Variants in CLDN14 observed in about 807,000 individuals in gnomAD.
The protein encoded by CLDN14 is claudin-14.
A neutral mutation model predicts 2.1 loss-of-function variants in CLDN14; 2 were observed. The ratio of observed to expected loss-of-function variants is 0.96; its 90% CI spans 0.39 to 3.01. The LOEUF (loss-of-function observed/expected upper bound fraction) is 3.01, where lower values mean the gene tolerates loss of function less well. Among genes scored for constraint, CLDN14 ranks in the 30% most tolerant of loss-of-function variants. The pLI is 0.09. For missense variants in CLDN14, 298 were observed against 328.0 expected, an observed-to-expected ratio of 0.91 and a Z score of 0.71; for synonymous variants, 136 against 154.4, an observed-to-expected ratio of 0.88 and a Z score of 0.88.
At chr21:36,566,071 T>G (rs762163713) in intron 1 of CLDN14, among the ~76,000 whole-genome samples, 34 of 152,362 alleles carry the variant, frequency 2.2e-4, no homozygotes, top group Non-Finnish European at 4.3e-4. Flanking sequence ...TGTCTAATTT[T>G]ATATCTATCA....
intron 1 of CLDN14, among the ~76,000 whole-genome samples, chr21:36,539,156 T>C (rs569909671): frequency 7.2e-5 from 11 of 152,352 alleles, no homozygotes; most frequent in African/African-American, 2.4e-4. Context: ...ATTTTAAAAA[T>C]GTTTATGGAG....
At chr21:36,486,194 A>G (rs147279578) in intron 2 of CLDN14, 16,851 of 1,005,012 alleles carry the variant, frequency 0.017, 247 homozygotes, top group Non-Finnish European at 0.019. Flanking sequence ...GCTGGCATCA[A>G]TGTCTACTGA....
intron 1 of CLDN14, among the ~76,000 whole-genome samples, chr21:36,518,109 C>CACAT (rs57527435): frequency 6.8e-6 from 1 of 147,794 alleles, no homozygotes; most frequent in Non-Finnish European, 1.5e-5. Context: ...CACACACACA[C>CACAT]GACCTGTTGG....
chr21:36,489,795 C>T (rs1601606898), intron 2 of CLDN14, among the ~76,000 whole-genome samples: 1 of 152,230 alleles, frequency 6.6e-6, no homozygotes, highest in East Asian at 1.9e-4. Context: ...CATGTCCAGT[C>T]CTCACGGCTG....
At chr21:36,552,325 C>T (rs115976902) in intron 1 of CLDN14, among the ~76,000 whole-genome samples, 1 of 152,340 alleles carries the variant, frequency 6.6e-6, no homozygotes, top group South Asian at 2.1e-4. Context: ...ACTTTTGCTG[C>T]CTATCTTAAC....
intron 1 of CLDN14, among the ~76,000 whole-genome samples, chr21:36,561,090 T>G (rs998493672): frequency 1.3e-5 from 2 of 152,232 alleles, no homozygotes; most frequent in African/African-American, 2.4e-5. Flanking sequence ...CCTCAATTTT[T>G]GTACCTTTTT....
Position 36,461,787 on chromosome 21 carries a change from C to T in CLDN14, c.-81-11G>A. 6.7e-7 allele frequency: 1 copy of T among 1,500,740 alleles called. No homozygotes were observed. Among genetic ancestry groups the T allele is most frequent in the South Asian group, 1.2e-5 (1 of 81,798 alleles). 93.0% of individuals were successfully genotyped at this position (1,500,740 alleles called of 1,614,324 possible). ...GTGCCAGCCGGAGCCCTAATGAAGC[C>T]AAGGGAGGCGGGAGCAGGGAGAGAA... On this transcript the variant is annotated splice_polypyrimidine_tract_variant and intron_variant, in intron 1 of 1. Coordinates refer to ENST00000399135, the MANE Select transcript of CLDN14 (RefSeq NM_001146079.2).
chr21:36,486,414 C>T (rs538311435), intron 2 of CLDN14: 90 of 1,250,386 alleles, frequency 7.2e-5, no homozygotes, highest in African/African-American at 3.8e-4. Flanking sequence ...CTCATCCTGC[C>T]GCTGCTGCTG....
At chr21:36,475,620 G>C (rs1001646037) in intron 1 of CLDN14, among the ~76,000 whole-genome samples, 1 of 152,144 alleles carries the variant, frequency 6.6e-6, no homozygotes, top group Middle Eastern at 3.4e-3. Context: ...GCACAATCAC[G>C]GCTCCCTGCG....
At position 36,461,761 on chromosome 21, in the gene CLDN14, G is replaced by C. The variant is rs1475544048; in HGVS notation, c.-66C>G. The C allele has an allele frequency of 3.3e-6, 5 of 1,532,522 alleles. No individual in the cohort carries two copies. The highest frequency in any genetic ancestry group is 4.4e-6 in the Non-Finnish European group (5 of 1,141,238). The allele number at this position is 1,532,522 out of a possible 1,614,324, so 94.9% of individuals were successfully genotyped here. On this transcript the variant is annotated 5_prime_UTR_variant, in exon 2 of 2. Transcript: ENST00000399135. The stretch of plus-strand genomic sequence containing the variant: ...GCCCTCGGGGTCACGCCGCTCCTCA[G>C]GTGCCAGCCGGAGCCCTAATGAAGC...
intron 1 of CLDN14, among the ~76,000 whole-genome samples, chr21:36,525,718 G>A (rs2087321695): frequency 1.3e-5 from 2 of 152,164 alleles, no homozygotes; most frequent in African/African-American, 2.4e-5. Flanking sequence ...GTGAAGCCGA[G>A]GCTCTGCCAT....
In CLDN14 at chr21:36,490,959, C is replaced by G. The variant is rs988115572; in HGVS notation, c.-82+19404G>C. Reference sequence around the variant, plus strand: ...ACATGCAAGTGCACAGACACACACACACACACACACACACACACACACACA... The same window carrying G: ...ACATGCAAGTGCACAGACACACACAGACACACACACACACACACACACACA... On this transcript the variant is annotated intron_variant, in intron 2 of 2. Coordinates refer to the CLDN14 transcript ENST00000342108. Among the ~76,000 whole-genome samples, 209 of 135,438 alleles carry G rather than the reference C, an allele frequency of 1.5e-3. 1 individual carries two copies. Among genetic ancestry groups the G allele is most frequent in the African/African-American group, 5.4e-3 (197 of 36,726 alleles). 88.9% of individuals were successfully genotyped at this position (135,438 alleles called of 152,430 possible). A position where few individuals can be genotyped will look rare whatever the true frequency, so the allele number is the denominator to read the frequency against.
intron 2 of CLDN14, among the ~76,000 whole-genome samples, chr21:36,508,650 C>A (rs150081186): frequency 6.6e-6 from 1 of 152,182 alleles, no homozygotes; most frequent in Admixed American, 6.5e-5. Context: ...ACAGAGCCAC[C>A]CTCTACAAGG....
intron 2 of CLDN14, chr21:36,486,007 G>T (rs1462680017): frequency 2.0e-6 from 3 of 1,465,914 alleles, no homozygotes; most frequent in Admixed American, 1.7e-5. Context: ...CCTCCTTCTT[G>T]TCCTTCTTGC....
intron 1 of CLDN14, among the ~76,000 whole-genome samples, chr21:36,566,629 G>A (rs77271054): frequency 2.0e-4 from 31 of 152,254 alleles, no homozygotes; most frequent in African/African-American, 5.5e-4. Flanking sequence ...CTGCTCCCTC[G>A]GAATGATTTA....
Position 36,461,537 on chromosome 21 carries a change from C to T in CLDN14, c.159G>A (p.Glu53=), listed in dbSNP as rs768019537. 2 of 1,613,450 alleles carry T rather than the reference C, an allele frequency of 1.2e-6. No homozygotes were observed. Among genetic ancestry groups the T allele is most frequent in the South Asian group, 1.1e-5 (1 of 91,070 alleles). ...AGATGCCTGTGCTGTGCCACACACA[C>T]TCCATCCAGAGCCCTTTCAGGTAGG... ...AVSYLKGLWM[E]CVWHSTGIYQ... The change falls in exon 2 of 2, where the codon GAG becomes GAA. Residue 53 remains glutamate, a synonymous_variant. Transcript: ENST00000399135.
At chr21:36,476,130 C>G (rs2086776503) in intron 1 of CLDN14, among the ~76,000 whole-genome samples, 1 of 152,280 alleles carries the variant, frequency 6.6e-6, no homozygotes, top group Non-Finnish European at 1.5e-5. Flanking sequence ...TCTGGCCTGT[C>G]CCTGGAATAT....
At chr21:36,500,683 C>T (rs932601402) in intron 2 of CLDN14, among the ~76,000 whole-genome samples, 3 of 152,336 alleles carry the variant, frequency 2.0e-5, no homozygotes, top group East Asian at 1.9e-4. Flanking sequence ...CCACCCGCCT[C>T]GGCCTCCCAA....
intron 1 of CLDN14, among the ~76,000 whole-genome samples, chr21:36,523,349 T>C (rs909713232): frequency 6.6e-6 from 1 of 152,204 alleles, no homozygotes; most frequent in African/African-American, 2.4e-5. Flanking sequence ...GCTACATGAT[T>C]AGATGATCTG....
Sources: gnomAD v4.1 joint callset for allele counts (sites outside exome capture counted in the v4.1 genomes callset) on GRCh38, gnomAD v4.1.1 for gene constraint, MANE v1.5 for transcripts, NCBI Gene and HGNC (gene_info 2026-07-23, HGNC 2026-07-21) for gene names.